The following SV2C variants were observed in gnomAD, a reference collection of about 807,000 sequenced individuals.
The protein encoded by SV2C is solute carrier family 22 member B3.
Under a neutral mutation model 79.7 loss-of-function variants are expected in SV2C, and 49 were observed. The ratio of observed to expected loss-of-function variants is 0.61; its 90% CI spans 0.49 to 0.78. The LOEUF (loss-of-function observed/expected upper bound fraction) is 0.78. Ranked by LOEUF, SV2C falls within the 30% of genes least tolerant of loss-of-function variation. The pLI is 0.00. For missense variants in SV2C, 833 were observed against 912.9 expected (o/e 0.91, Z 1.13); for synonymous variants, 334 against 333.2 (o/e 1.00, Z -0.03).
the SV2C span, among the ~76,000 whole-genome samples, chr5:76,013,647 C>G: frequency 2.0e-5 from 3 of 151,440 alleles, no homozygotes; most frequent in Admixed American, 2.0e-4. Context: ...TGAAAAGTAC[C>G]CTAAACATAG....
chr5:76,188,796 G>T (rs375761077), intron 2 of SV2C, among the ~76,000 whole-genome samples: 2 of 152,006 alleles, frequency 1.3e-5, no homozygotes, highest in African/African-American at 4.8e-5. Context: ...CATCTTGGGT[G>T]GGGGGCAGGG....
chr5:75,945,721 G>A, the SV2C span, among the ~76,000 whole-genome samples: 16 of 151,896 alleles, frequency 1.1e-4, no homozygotes, highest in African/African-American at 1.5e-4. Flanking sequence ...AAAATCATAC[G>A]AGTATGTTCT....
In SV2C at chr5:76,333,449, T is replaced by A. The variant is rs570380680; in HGVS notation, c.*7902T>A. Reference sequence around the variant, plus strand: ...TTTTGAACATATGCTAAACGTACTATCCACTGTCTATTTTAATGAGATCTT... The same window carrying A: ...TTTTGAACATATGCTAAACGTACTAACCACTGTCTATTTTAATGAGATCTT... On this transcript the variant is annotated 3_prime_UTR_variant, in exon 13 of 13. Coordinates refer to ENST00000502798, the MANE Select transcript of SV2C (RefSeq NM_014979.4). The A allele has an allele frequency of 6.6e-6, 1 of 152,332 alleles. No individual in the cohort carries two copies. The highest frequency in any genetic ancestry group is 2.1e-4 in the South Asian group (1 of 4,818). 9.4% of individuals were successfully genotyped at this position (152,332 alleles called of 1,614,324 possible). A position where few individuals can be genotyped will look rare whatever the true frequency, so the allele number is the denominator to read the frequency against.
chr5:76,177,135 C>T (rs1473885449), intron 2 of SV2C, among the ~76,000 whole-genome samples: 1 of 147,762 alleles, frequency 6.8e-6, no homozygotes, highest in South Asian at 2.1e-4. Context: ...CAACAAAAAA[C>T]AGAAAGTACA....
At chr5:76,264,658 CTGTT>C (rs1746587165) in intron 4 of SV2C, among the ~76,000 whole-genome samples, 1 of 152,098 alleles carries the variant, frequency 6.6e-6, no homozygotes, top group South Asian at 2.1e-4. Flanking sequence ...TTACTGCTGT[CTGTT>C]TGTTAGTTTT....
intron 8 of SV2C, among the ~76,000 whole-genome samples, chr5:76,292,598 C>T (rs983351988): frequency 6.6e-6 from 1 of 152,268 alleles, no homozygotes; most frequent in Middle Eastern, 3.4e-3. Context: ...TATAATCACA[C>T]CTGTTACTAG....
chr5:76,207,105 G>T lies in SV2C; in HGVS notation c.762-2631G>T, dbSNP rs1161218758. On this transcript the variant is annotated intron_variant, in intron 3 of 12. Transcript: ENST00000502798. ...AGTTGGTGTTTTCTTATGTAACAAT[G>T]ATTTGTTGAAAACTAACAGGCAAAT... Among the ~76,000 whole-genome samples the T allele has an allele frequency of 2.6e-5, 4 of 151,414 alleles. No homozygotes were observed. The East Asian group carries it at 7.8e-4, about 30-fold the overall frequency.
At chr5:75,946,751 G>A in the SV2C span, among the ~76,000 whole-genome samples, 2 of 152,008 alleles carry the variant, frequency 1.3e-5, no homozygotes, top group Non-Finnish European at 2.9e-5. Flanking sequence ...CACATCAGTG[G>A]CTGCCAGGGG....
At chr5:75,895,513 A>C in the SV2C span, among the ~76,000 whole-genome samples, 1 of 152,158 alleles carries the variant, frequency 6.6e-6, no homozygotes, top group Non-Finnish European at 1.5e-5. Context: ...TTGGGGAGGA[A>C]GCATGATGGT....
At chr5:76,254,256 A>C (rs750918747) in intron 4 of SV2C, among the ~76,000 whole-genome samples, 31 of 134,044 alleles carry the variant, frequency 2.3e-4, no homozygotes, top group African/African-American at 7.7e-4. Flanking sequence ...ATATATATAT[A>C]TAGAGAGAGA....
At chr5:76,017,779 G>A in the SV2C span, among the ~76,000 whole-genome samples, 1 of 152,126 alleles carries the variant, frequency 6.6e-6, no homozygotes, top group East Asian at 1.9e-4. Flanking sequence ...CCCTCAAATT[G>A]ACTTGCTGCT....
At chr5:76,149,941 G>A (rs1749550691) in intron 2 of SV2C, among the ~76,000 whole-genome samples, 1 of 152,156 alleles carries the variant, frequency 6.6e-6, no homozygotes, top group African/African-American at 2.4e-5. Flanking sequence ...TTCCCTCCTA[G>A]CTGCATGAAA....
chr5:76,315,772 C>T (rs1971744), intron 12 of SV2C, among the ~76,000 whole-genome samples: 15,216 of 152,138 alleles, frequency 0.1, 809 homozygotes, highest in Admixed American at 0.15. Context: ...GGGAGTTTAA[C>T]AAGAGCCTAA....
the SV2C span, among the ~76,000 whole-genome samples, chr5:75,869,250 T>C: frequency 3.9e-5 from 6 of 152,104 alleles, 1 homozygote; most frequent in South Asian, 1.2e-3. Context: ...TTTCTGGGCC[T>C]ACCCTAGGCC....
At chr5:76,038,223 C>A in the SV2C span, among the ~76,000 whole-genome samples, 1 of 152,170 alleles carries the variant, frequency 6.6e-6, no homozygotes, top group Non-Finnish European at 1.5e-5. Context: ...CTTCTTCCAG[C>A]ACATATGTAA....
At chr5:75,914,121 G>T in the SV2C span, among the ~76,000 whole-genome samples, 1 of 152,078 alleles carries the variant, frequency 6.6e-6, no homozygotes, top group Non-Finnish European at 1.5e-5. Flanking sequence ...ACCCCATATT[G>T]TCTTCTCTAT....
chr5:75,876,113 T>G, the SV2C span, among the ~76,000 whole-genome samples: 1 of 150,066 alleles, frequency 6.7e-6, no homozygotes, highest in Admixed American at 6.7e-5. Flanking sequence ...TAAAGACACA[T>G]GCATGTGAAT....
In SV2C at chr5:76,295,932, G is replaced by A. The variant is rs893831427; in HGVS notation, c.1492G>A (p.Asp498Asn). 9.4e-6 allele frequency: 15 copies of A among 1,591,380 alleles called. No individual in the cohort carries two copies. The highest frequency in any genetic ancestry group is 9.1e-5 in the Admixed American group (5 of 55,028). ...TCAGATTCATACTGGAATGGAATAC[G>A]ACAATGGCAGGTCTAGAAACTTGAA... is the stretch of plus-strand genomic sequence containing the variant. ...ENQIHTGMEY[D>N]NGRFIGVKFK... The change falls in exon 9 of 13, where the codon GAC becomes AAC. Residue 498 changes from aspartate to asparagine, a missense_variant. Asp to Asn is a conservative substitution (Grantham distance 23). Transcript: ENST00000502798.
At chr5:75,868,067 C>T in the SV2C span, among the ~76,000 whole-genome samples, 2 of 152,140 alleles carry the variant, frequency 1.3e-5, no homozygotes, top group South Asian at 2.1e-4. Flanking sequence ...TTATGAAGGG[C>T]CAGGACATCA....
Sources: gnomAD v4.1 joint callset for allele counts (sites outside exome capture counted in the v4.1 genomes callset) on GRCh38, gnomAD v4.1.1 for gene constraint, MANE v1.5 for transcripts, NCBI Gene and HGNC (gene_info 2026-07-23, HGNC 2026-07-21) for gene names.